The following CASD1 variants were observed in gnomAD, a reference collection of about 807,000 sequenced individuals.
CASD1 encodes N-acetylneuraminate (7)9-O-acetyltransferase.
In CASD1, 41 loss-of-function variants were observed where a neutral mutation model predicts 100.0. The ratio of observed to expected loss-of-function variants is 0.41; its 90% CI spans 0.32 to 0.53. The LOEUF (loss-of-function observed/expected upper bound fraction) is 0.53. CASD1 is among the 20% of genes least tolerant of loss of function. The pLI, the probability that CASD1 is intolerant of heterozygous loss-of-function variation, is 0.25. For synonymous variants in CASD1, 321 were observed against 315.6 expected (o/e 1.02, Z -0.18); for missense variants, 774 against 948.7 (o/e 0.82, Z 2.42).
chr7:94,512,726 GTC>G (rs1793777245), intron 1 of CASD1, among the ~76,000 whole-genome samples: 1 of 152,152 alleles, frequency 6.6e-6, no homozygotes, highest in African/African-American at 2.4e-5. Flanking sequence ...ATCAGGGTGA[GTC>G]TTTAAAACTT....
the CASD1 span, chr7:94,600,827 G>C: frequency 9.9e-6 from 16 of 1,612,144 alleles, no homozygotes; most frequent in Non-Finnish European, 1.3e-5. Context: ...ATCACTTCCT[G>C]ATAGGTGGAC....
the CASD1 span, among the ~76,000 whole-genome samples, chr7:94,602,658 A>T: frequency 6.8e-6 from 1 of 146,030 alleles, no homozygotes; most frequent in Admixed American, 6.7e-5. Flanking sequence ...ATATACAGAC[A>T]TATAATATAA....
chr7:94,539,459 A>G (rs902903057), intron 10 of CASD1, among the ~76,000 whole-genome samples: 1 of 152,140 alleles, frequency 6.6e-6, no homozygotes, highest in Non-Finnish European at 1.5e-5. Flanking sequence ...ACCTGAGGTC[A>G]GGAGTTCAAG....
rs1344376768 is a variant in CASD1 at position 94,554,480 on chromosome 7, T to C, written c.2035-3T>C. The stretch of plus-strand genomic sequence containing the variant: ...AATATTTGCTTTTGTGCTTTTTCTT[T>C]AGATTTTAGCCTTCATCCTAATAAG... On this transcript the variant is annotated splice_polypyrimidine_tract_variant and splice_region_variant and intron_variant, in intron 16 of 17. Coordinates refer to ENST00000297273, the MANE Select transcript of CASD1 (RefSeq NM_022900.5). The C allele has an allele frequency of 4.4e-6, 7 of 1,584,742 alleles. No homozygotes were observed. In the South Asian group the frequency reaches 7.9e-5, roughly 18 times the overall value.
At chr7:94,549,442 C>A in intron 13 of CASD1, 91 bp from the exon 14 acceptor site, 1 of 837,196 alleles carries the variant, frequency 1.2e-6, no homozygotes, top group South Asian at 2.1e-5. Context: ...TTATATAATC[C>A]AAACTTCAGA....
chr7:94,555,780 C>T lies in CASD1; in HGVS notation c.*22C>T. 1 of 1,601,050 alleles carries T rather than the reference C, an allele frequency of 6.2e-7. No homozygotes were observed. The highest frequency in any genetic ancestry group is 8.5e-7 in the Non-Finnish European group (1 of 1,174,882). ...TTAGGTTCCAAAAATTCTAAAAAAC[C>T]TAAACTCTTCAGGCTACCTTTGTGT... On this transcript the variant is annotated 3_prime_UTR_variant, in exon 18 of 18. Coordinates refer to ENST00000297273, the MANE Select transcript of CASD1 (RefSeq NM_022900.5).
the CASD1 span, chr7:94,587,480 C>A: frequency 7.9e-7 from 1 of 1,259,136 alleles, no homozygotes; most frequent in Non-Finnish European, 9.9e-7. Context: ...GAAGTTCTAT[C>A]ATTTCTATCG....
chr7:94,518,516 T>C (rs551364247), intron 3 of CASD1, among the ~76,000 whole-genome samples, 193 bp downstream of exon 3: 2 of 152,320 alleles, frequency 1.3e-5, no homozygotes, highest in African/African-American at 4.8e-5. Context: ...GCTAAGACAT[T>C]GGCAAGCTTT....
downstream of CASD1, among the ~76,000 whole-genome samples, chr7:94,558,993 T>G (rs545121751): frequency 6.6e-6 from 1 of 152,052 alleles, no homozygotes; most frequent in Non-Finnish European, 1.5e-5. Context: ...AGAGTTGGGG[T>G]TTCACCCTGT....
At chr7:94,564,400 T>C in the CASD1 span, among the ~76,000 whole-genome samples, 3 of 152,210 alleles carry the variant, frequency 2.0e-5, no homozygotes, top group Non-Finnish European at 2.9e-5. Context: ...GTTGCACTAA[T>C]ACCTTCCATC....
In CASD1 at chr7:94,544,454, A is replaced by G; in HGVS notation, c.1400A>G (p.Tyr467Cys). 2 of 1,613,360 alleles carry G rather than the reference A, an allele frequency of 1.2e-6. No homozygotes were observed. The highest frequency in any genetic ancestry group is 1.7e-6 in the Non-Finnish European group (2 of 1,179,570). The stretch of plus-strand genomic sequence containing the variant: ...CACATTCGAGTTCTGGTTGCTGCAT[A>G]TTTATTTCAGACAGGGTATGGGCAT... The part of the protein sequence containing the change: ...YMHIRVLVAA[Y>C]LFQTGYGHFS... Residue 467 changes from tyrosine (Y) to cysteine (C), a missense_variant, in exon 11 of 18, where the codon TAT (tyrosine) becomes TGT (cysteine). Tyr to Cys is a radical substitution (Grantham distance 194). Around this residue, in one of 5 missense-constraint regions of CASD1, gnomAD observed 453 missense variants for 532.6 expected, o/e 0.85. Coordinates refer to ENST00000297273, the MANE Select transcript of CASD1 (RefSeq NM_022900.5).
chr7:94,545,256 C>T (rs892928371), intron 11 of CASD1, among the ~76,000 whole-genome samples: 3 of 152,014 alleles, frequency 2.0e-5, no homozygotes, highest in South Asian at 4.1e-4. Flanking sequence ...CTCAGAAGGA[C>T]GACTTTTTTC....
At position 94,537,821 on chromosome 7, in the gene CASD1, C is replaced by G; in HGVS notation, c.1193C>G (p.Thr398Arg). 6.3e-7 allele frequency: 1 copy of G among 1,592,880 alleles called. No individual in the cohort carries two copies. Among genetic ancestry groups the G allele is most frequent in the Non-Finnish European group, 8.6e-7 (1 of 1,161,020 alleles). Residue 398 changes from threonine to arginine, a missense_variant, in exon 9 of 18, where the codon ACA becomes AGA. Transcript: ENST00000297273. Reference sequence around the variant, plus strand: ...TTCATGAAGGAAAACAAATTTTATACACATTCATCTTTCTTTATTCCAATT... The same window carrying G: ...TTCATGAAGGAAAACAAATTTTATAGACATTCATCTTTCTTTATTCCAATT... Reference protein sequence around the residue: ...NLFMKENKFYTHSSFFIPIIY... With the variant: ...NLFMKENKFYRHSSFFIPIIY...
the CASD1 span, among the ~76,000 whole-genome samples, chr7:94,614,748 T>G: frequency 1.8e-4 from 27 of 152,212 alleles, no homozygotes; most frequent in African/African-American, 6.5e-4. Flanking sequence ...ATTTTAATTA[T>G]CTGATTATTT....
At chr7:94,623,725 G>A in the CASD1 span, 1 of 391,592 alleles carries the variant, frequency 2.6e-6, no homozygotes, top group Middle Eastern at 6.6e-4. Flanking sequence ...TACCAGTGAT[G>A]TTCTAAGATT....
chr7:94,565,534 T>C, the CASD1 span, among the ~76,000 whole-genome samples: 1 of 152,180 alleles, frequency 6.6e-6, no homozygotes, highest in Non-Finnish European at 1.5e-5. Flanking sequence ...CTGACTTAAC[T>C]GTCCCTGTAG....
chr7:94,560,080 T>G (rs76955144), downstream of CASD1, among the ~76,000 whole-genome samples: 35 of 152,318 alleles, frequency 2.3e-4, no homozygotes, highest in East Asian at 6.6e-3. Context: ...ACTTGATTTT[T>G]GACTGTAGCT....
At chr7:94,526,044 G>C (rs927671575) in intron 3 of CASD1, among the ~76,000 whole-genome samples, 2 of 152,230 alleles carry the variant, frequency 1.3e-5, no homozygotes, top group Middle Eastern at 3.4e-3. Flanking sequence ...CTGCAAATGG[G>C]CTATTTATAT....
At chr7:94,619,759 C>A in the CASD1 span, 1 of 152,164 alleles carries the variant, frequency 6.6e-6, no homozygotes. Context: ...TTAATTCTCA[C>A]AACAAGAGGG....
Sources: allele counts gnomAD v4.1 joint callset (sites outside exome capture counted in the v4.1 genomes callset), GRCh38; gene constraint gnomAD v4.1.1; regional missense constraint gnomAD v4.1.1; transcripts MANE v1.5; gene names NCBI Gene and HGNC (gene_info 2026-07-23, HGNC 2026-07-21).